TDRD12: variants seen among roughly 807,000 people sequenced by gnomAD.
TDRD12 encodes putative ATP-dependent RNA helicase TDRD12.
TDRD12 carries 158 observed loss-of-function variants against 133.5 expected under a neutral mutation model. The ratio of observed to expected loss-of-function variants is 1.18; its 90% confidence interval spans 1.04 to 1.35. TDRD12 has a LOEUF of 1.35. Ranked by LOEUF, TDRD12 falls within the 40% of genes most tolerant of loss-of-function variation. TDRD12 has a pLI of 0.00. For missense variants in TDRD12, 1,443 were observed against 1,321.3 expected (o/e 1.09, Z -1.43); for synonymous variants, 460 against 477.9 (o/e 0.96, Z 0.49).
chr19:32,798,086 G>A (rs189401859), intron 15 of TDRD12, among the ~76,000 whole-genome samples, 195 bp downstream of exon 15: 15 of 152,246 alleles, frequency 9.9e-5, no homozygotes, highest in African/African-American at 3.1e-4. Flanking sequence ...CTTGACTTAC[G>A]TCTGCTTCAC....
chr19:32,770,895 G>T (rs1338420775), intron 8 of TDRD12, among the ~76,000 whole-genome samples: 2 of 152,126 alleles, frequency 1.3e-5, no homozygotes, highest in African/African-American at 2.4e-5. Context: ...TGTACTACTG[G>T]TTTATTTTTC....
chr19:32,801,246 A>C (rs752994127), intron 18 of TDRD12, among the ~76,000 whole-genome samples: 67 of 152,188 alleles, frequency 4.4e-4, no homozygotes, highest in Non-Finnish European at 5.7e-4. Flanking sequence ...TGAGAAGATA[A>C]CAGTAAAAGA....
At chr19:32,780,076 T>C (rs1459689418) in intron 11 of TDRD12, among the ~76,000 whole-genome samples, 1 of 125,336 alleles carries the variant, frequency 8.0e-6, no homozygotes, top group African/African-American at 3.1e-5. Context: ...CCATTCTTTT[T>C]TTCTTTTCTT....
chr19:32,781,499 T>G (rs894406110), intron 11 of TDRD12, among the ~76,000 whole-genome samples: 2 of 151,858 alleles, frequency 1.3e-5, no homozygotes, highest in Admixed American at 6.6e-5. Flanking sequence ...CATCCTTTAG[T>G]AGCTTTCTAG....
chr19:32,819,059 G>T (rs1239187182), intron 27 of TDRD12, among the ~76,000 whole-genome samples: 1 of 152,098 alleles, frequency 6.6e-6, no homozygotes, highest in Non-Finnish European at 1.5e-5. Flanking sequence ...GCTCATGATT[G>T]TAATCCCAGC....
At chr19:32,753,310 G>A (rs1441779203) in intron 6 of TDRD12, among the ~76,000 whole-genome samples, 1 of 152,042 alleles carries the variant, frequency 6.6e-6, no homozygotes, top group Non-Finnish European at 1.5e-5. Flanking sequence ...TAAGAGCTTT[G>A]ATATCTCTGA....
chr19:32,806,336 A>AGTT (rs1207656285), intron 21 of TDRD12, among the ~76,000 whole-genome samples: 5 of 100,956 alleles, frequency 5.0e-5, no homozygotes, highest in African/African-American at 9.6e-5. Flanking sequence ...AAGAAGACCG[A>AGTT]GTTTTTTTTT....
At chr19:32,791,346 T>A (rs1159741048) in intron 13 of TDRD12, among the ~76,000 whole-genome samples, 8 of 152,182 alleles carry the variant, frequency 5.3e-5, no homozygotes, top group Admixed American at 2.0e-4. Flanking sequence ...CCAGGATGCC[T>A]GTGGACAGGG....
chr19:32,720,206 C>A, intron 1 of TDRD12, 110 bp downstream of exon 1: 1 of 1,282,054 alleles, frequency 7.8e-7, no homozygotes, highest in Non-Finnish European at 1.1e-6. Context: ...TTCCTACACC[C>A]ACCGCAGCCC....
chr19:32,729,878 C>T (rs1373925449), intron 1 of TDRD12, among the ~76,000 whole-genome samples: 1 of 149,256 alleles, frequency 6.7e-6, no homozygotes, highest in Non-Finnish European at 1.5e-5. Flanking sequence ...GCAAGCTCCA[C>T]CACCCGGTTT....
chr19:32,791,508 T>A (rs539162729), intron 13 of TDRD12, among the ~76,000 whole-genome samples: 152 of 151,948 alleles, frequency 1.0e-3, no homozygotes, highest in South Asian at 3.3e-3. Flanking sequence ...TAAAAAAAAA[T>A]TTTTTTTAAG....
intron 3 of TDRD12, among the ~76,000 whole-genome samples, chr19:32,739,989 C>G (rs1175469606): frequency 1.7e-5 from 2 of 118,270 alleles, no homozygotes; most frequent in Non-Finnish European, 3.5e-5. Flanking sequence ...CTGTCTGCAT[C>G]TCCTGGGTGC....
intron 1 of TDRD12, among the ~76,000 whole-genome samples, chr19:32,723,093 C>T (rs1445620194): frequency 6.6e-6 from 1 of 152,104 alleles, no homozygotes. Context: ...TTTCTTTGCA[C>T]GTGATTATCT....
exon 16 of TDRD12, chr19:32,798,402 G>A: frequency 6.5e-7 from 1 of 1,535,936 alleles, no homozygotes; most frequent in Admixed American, 2.0e-5. Context: ...TCCTGGATGA[G>A]GTAGAGGTGC....
chr19:32,740,568 C>G (rs1474799893), intron 3 of TDRD12, among the ~76,000 whole-genome samples: 1 of 152,178 alleles, frequency 6.6e-6, no homozygotes, highest in Non-Finnish European at 1.5e-5. Context: ...CTCTGCATCT[C>G]CTGCGTTCTC....
chr19:32,782,230 T>A lies in TDRD12; in HGVS notation c.1121+5001T>A, dbSNP rs992606127. The stretch of plus-strand genomic sequence containing the variant: ...GAACATGCAGTGTTTGGTTTTCTGA[T>A]CTTGTGATAGTTTGCTGAGAATGAT... On this transcript the variant is annotated intron_variant, in intron 11 of 27. Transcript: ENST00000444215. 1.1e-4 allele frequency among the ~76,000 whole-genome samples: 17 copies of A among 151,922 alleles called. No individual in the cohort carries two copies. The South Asian group carries it at 1.7e-3, about 15-fold the overall frequency.
At chr19:32,737,812 T>C (rs959165931) in intron 2 of TDRD12, among the ~76,000 whole-genome samples, 1 of 152,180 alleles carries the variant, frequency 6.6e-6, no homozygotes, top group African/African-American at 2.4e-5. Context: ...TTATGACAGA[T>C]AGTAAACAAA....
At chr19:32,807,746 CTTCCAGTGATCAGTA>C in intron 22 of TDRD12, 98 bp downstream of exon 22, 1 of 842,762 alleles carries the variant, frequency 1.2e-6, no homozygotes, top group Non-Finnish European at 1.8e-6. Flanking sequence ...GTCATGGTGC[CTTCCAGTGATCAGTA>C]TTAACATACC....
At position 32,810,070 on chromosome 19, in the gene TDRD12, C is replaced by A; in HGVS notation, c.2653-23C>A. The A allele has an allele frequency of 4.2e-6, 6 of 1,433,618 alleles. No individual in the cohort carries two copies. The South Asian group carries it at 7.0e-5, about 17-fold the overall frequency. 88.8% of individuals were successfully genotyped at this position (1,433,618 alleles called of 1,614,324 possible). Reference sequence around the variant, plus strand: ...GTTTAGACTAAGTTTGTTTCTTGGTCATGTTTACTATATATGTTTCAGATA... The same window carrying A: ...GTTTAGACTAAGTTTGTTTCTTGGTAATGTTTACTATATATGTTTCAGATA... On this transcript the variant is annotated intron_variant, in intron 22 of 27. Transcript: ENST00000444215.
Sources: allele counts gnomAD v4.1 joint callset (sites outside exome capture counted in the v4.1 genomes callset), GRCh38; gene constraint gnomAD v4.1.1; transcripts MANE v1.5; gene names NCBI Gene and HGNC (gene_info 2026-07-23, HGNC 2026-07-21).